Variants in DMD observed in about 807,000 individuals in gnomAD.
The protein encoded by DMD is dystrophin, also known as mutant dystrophin.
Under a neutral mutation model 330.1 loss-of-function variants are expected in DMD, and 63 were observed. The ratio of observed to expected loss-of-function variants is 0.19; its 90% CI spans 0.16 to 0.24. The LOEUF (loss-of-function observed/expected upper bound fraction) is 0.24, where lower values mean the gene tolerates loss of function less well. Ranked by LOEUF, DMD falls within the 10% of genes least tolerant of loss-of-function variation. DMD has a pLI of 1.00. For synonymous variants in DMD, 1,223 were observed against 959.8 expected (o/e 1.27, Z -5.07); for missense variants, 3,344 against 2,684.1 (o/e 1.25, Z -5.43).
intron 17 of DMD, among the ~76,000 whole-genome samples, chrX:32,524,274 T>C (rs1285334547): frequency 8.9e-6 from 1 of 111,924 alleles, no homozygotes; most frequent in Non-Finnish European, 1.9e-5. Context: ...TGTATTTTCC[T>C]GAAAAAGGCA....
intron 7 of DMD, among the ~76,000 whole-genome samples, chrX:32,709,069 A>G (rs773376157): frequency 8.9e-6 from 1 of 112,024 alleles, no homozygotes; most frequent in East Asian, 2.8e-4. Flanking sequence ...CCCATTTTCA[A>G]ATTACAAAGA....
At chrX:31,163,339 C>A (rs1454186124) in intron 74 of DMD, among the ~76,000 whole-genome samples, 1 of 111,545 alleles carries the variant, frequency 9.0e-6, no homozygotes, top group Non-Finnish European at 1.9e-5. Context: ...TGCCTGCCAC[C>A]GTGTAAGACA....
chrX:33,206,937 G>A (rs891368034), intron 1 of DMD, among the ~76,000 whole-genome samples: 4 of 109,989 alleles, frequency 3.6e-5, no homozygotes, highest in Admixed American at 9.8e-5. Flanking sequence ...TTGTGCCATA[G>A]GGGTTTGCTG....
intron 7 of DMD, among the ~76,000 whole-genome samples, chrX:32,792,662 A>C (rs1227692030): frequency 8.9e-6 from 1 of 112,551 alleles, no homozygotes; most frequent in Admixed American, 9.4e-5. Context: ...GGGGAGAAGC[A>C]GCAGCTATGC....
intron 61 of DMD, chrX:31,348,080 T>C (rs1430101525): frequency 8.1e-6 from 1 of 123,868 alleles, no homozygotes; most frequent in Non-Finnish European, 1.7e-5. Flanking sequence ...TAAAGAATTA[T>C]AGAGTCACAG....
At position 33,189,515 on chromosome X, in the gene DMD, A is replaced by C. The variant is rs145825253; in HGVS notation, c.31+21767T>G. Among the ~76,000 whole-genome samples, 306 of 111,328 alleles carry C rather than the reference A, an allele frequency of 2.7e-3. 1 individual carries two copies. Among genetic ancestry groups the C allele is most frequent in the African/African-American group, 9.6e-3 (295 of 30,677 alleles). ...ATGGAGATTGGTGAGAGGGGTTAGG[A>C]AATAATTTTTCCTGAGATGAAGTGG... On this transcript the variant is annotated intron_variant, in intron 1 of 78. Coordinates refer to ENST00000357033, the MANE Select transcript of DMD (RefSeq NM_004006.3).
chrX:32,700,028 T>C (rs1330479146), intron 7 of DMD, among the ~76,000 whole-genome samples: 3 of 111,693 alleles, frequency 2.7e-5, no homozygotes, highest in Non-Finnish European at 5.7e-5. Context: ...GCATTTAAAG[T>C]CAATAATACT....
intron 2 of DMD, among the ~76,000 whole-genome samples, chrX:32,877,690 G>A (rs1426729069): frequency 8.9e-6 from 1 of 111,899 alleles, no homozygotes; most frequent in Non-Finnish European, 1.9e-5. Context: ...GGCTAGTAAA[G>A]CTGCTTTGCC....
At position 32,606,719 on chromosome X, in the gene DMD, A is replaced by ACG. The variant is rs2056738986; in HGVS notation, c.1482+7582_1482+7583dup. On this transcript the variant is annotated intron_variant, in intron 12 of 78. Coordinates refer to ENST00000357033, the MANE Select transcript of DMD (RefSeq NM_004006.3). ...TGCACATGTATATATGTGTGTATAT[A>ACG]CGCATATATATATATATATATATAC... 7.1e-5 allele frequency among the ~76,000 whole-genome samples: 4 copies of ACG among 56,141 alleles called. No homozygotes were observed. In the East Asian group the frequency reaches 1.9e-3, roughly 27 times the overall value. The allele number at this position is 56,141 out of a possible 115,157, so 48.8% of individuals were successfully genotyped here. A position where few individuals can be genotyped will look rare whatever the true frequency, so the allele number is the denominator to read the frequency against.
intron 49 of DMD, among the ~76,000 whole-genome samples, chrX:31,831,639 C>T (rs779518695): frequency 9.0e-6 from 1 of 111,653 alleles, no homozygotes. Context: ...CACTCTGTCA[C>T]CCAGGCTGGA....
intron 7 of DMD, among the ~76,000 whole-genome samples, chrX:32,722,843 G>C (rs7891139): frequency 3.6e-5 from 4 of 110,296 alleles, no homozygotes; most frequent in Non-Finnish European, 7.6e-5. Flanking sequence ...AGTCCTTAGG[G>C]GTTTCTACAT....
intron 62 of DMD, among the ~76,000 whole-genome samples, chrX:31,296,114 A>C (rs2054166595): frequency 9.0e-6 from 1 of 110,884 alleles, no homozygotes; most frequent in Non-Finnish European, 1.9e-5. Context: ...CTGAGGTGTT[A>C]AACATTGAAC....
At chrX:32,812,917 G>C (rs2077475194) in intron 6 of DMD, among the ~76,000 whole-genome samples, 1 of 111,430 alleles carries the variant, frequency 9.0e-6, no homozygotes, top group Non-Finnish European at 1.9e-5. Flanking sequence ...TGTAGGCAAT[G>C]GGAGTAAAAA....
At chrX:31,161,158 G>A (rs186687465) in intron 74 of DMD, among the ~76,000 whole-genome samples, 304 of 110,922 alleles carry the variant, frequency 2.7e-3, no homozygotes, top group Middle Eastern at 9.2e-3. Flanking sequence ...TTATTATTAC[G>A]TAGAGCCAGG....
rs150094875 is a variant in DMD at position 32,962,488 on chromosome X, A to G, written c.93+57651T>C. Among the ~76,000 whole-genome samples, 329 of 111,524 alleles carry G rather than the reference A, an allele frequency of 3.0e-3. 1 individual carries two copies. Among genetic ancestry groups the G allele is most frequent in the Non-Finnish European group, 4.8e-3 (253 of 53,110 alleles). On this transcript the variant is annotated intron_variant, in intron 2 of 78. Transcript: ENST00000357033. ...TTTATTTCTTTAAACTGGCCTGTTT[A>G]TTACTCAGGTTTGAGTAGCACTACA...
chrX:32,156,672 G>A (rs398124021), intron 44 of DMD, among the ~76,000 whole-genome samples: 147 of 103,964 alleles, frequency 1.4e-3, no homozygotes, highest in East Asian at 3.7e-3. Context: ...ACACACGCAC[G>A]CAATTATTAA....
intron 18 of DMD, among the ~76,000 whole-genome samples, chrX:32,503,200 C>T (rs1358412050): frequency 2.7e-5 from 3 of 110,563 alleles, no homozygotes; most frequent in Non-Finnish European, 3.8e-5. Flanking sequence ...TAGGCAAAAT[C>T]GAGAGACCTC....
At chrX:32,792,561 T>C (rs942210212) in intron 7 of DMD, among the ~76,000 whole-genome samples, 1 of 112,120 alleles carries the variant, frequency 8.9e-6, no homozygotes, top group Admixed American at 9.5e-5. Flanking sequence ...AAAAATATTC[T>C]GCCTAAAATA....
chrX:32,698,496 C>T (rs771350713), intron 8 of DMD, among the ~76,000 whole-genome samples: 1 of 111,469 alleles, frequency 9.0e-6, no homozygotes, highest in South Asian at 3.8e-4. Flanking sequence ...GTTGTTTGTG[C>T]CTGAGAAAGC....
Sources: gnomAD v4.1 joint callset for allele counts (sites outside exome capture counted in the v4.1 genomes callset) on GRCh38, gnomAD v4.1.1 for gene constraint, MANE v1.5 for transcripts, NCBI Gene and HGNC (gene_info 2026-07-23, HGNC 2026-07-21) for gene names.